The following MYO16 variants were observed in gnomAD, a reference collection of about 807,000 sequenced individuals.
The protein encoded by MYO16 is unconventional myosin-XVI.
In MYO16, 94 loss-of-function variants were observed where a neutral mutation model predicts 205.3. The observed-to-expected ratio is 0.46, with a 90% CI of 0.39 to 0.54. MYO16 has a LOEUF of 0.54. Among genes scored for constraint, MYO16 ranks in the 20% least tolerant of loss-of-function variants. The pLI is 0.00. For synonymous variants in MYO16, 988 were observed against 954.0 expected, an observed-to-expected ratio of 1.04 and a Z score of -0.66; for missense variants, 2,315 against 2,387.5, an observed-to-expected ratio of 0.97 and a Z score of 0.63.
chr13:108,733,192 T>A (rs1884580063), intron 4 of MYO16, among the ~76,000 whole-genome samples: 1 of 152,198 alleles, frequency 6.6e-6, no homozygotes, highest in Non-Finnish European at 1.5e-5. Context: ...ACAGTGCTAC[T>A]TGAATTGAAC....
chr13:108,778,819 C>A (rs1209731595), intron 4 of MYO16, among the ~76,000 whole-genome samples: 1 of 152,158 alleles, frequency 6.6e-6, no homozygotes, highest in Non-Finnish European at 1.5e-5. Context: ...TATGAACTCT[C>A]AATATGAAAA....
chr13:108,774,664 T>C (rs1886071643), intron 4 of MYO16, among the ~76,000 whole-genome samples: 1 of 152,166 alleles, frequency 6.6e-6, no homozygotes, highest in African/African-American at 2.4e-5. Context: ...TGGAATTACT[T>C]CTTTCACTAA....
At chr13:109,181,826 ATTTTT>A (rs950434173) in intron 34 of MYO16, among the ~76,000 whole-genome samples, 8 of 144,626 alleles carry the variant, frequency 5.5e-5, no homozygotes, top group South Asian at 2.2e-4. Context: ...ATTTTATTTT[ATTTTT>A]TTTTTTGAGA....
intron 2 of MYO16, among the ~76,000 whole-genome samples, chr13:108,679,256 T>G (rs941643312): frequency 6.6e-6 from 1 of 152,212 alleles, no homozygotes; most frequent in South Asian, 2.1e-4. Flanking sequence ...GTGAGGCTTG[T>G]ACTACTGACC....
chr13:108,978,751 A>G (rs758673281), intron 20 of MYO16, among the ~76,000 whole-genome samples: 36 of 152,076 alleles, frequency 2.4e-4, no homozygotes, highest in African/African-American at 6.0e-4. Flanking sequence ...TTTCTCTCCA[A>G]AACAGTTTGT....
At chr13:109,107,260 T>A (rs1446012074) in intron 28 of MYO16, among the ~76,000 whole-genome samples, 1 of 152,256 alleles carries the variant, frequency 6.6e-6, no homozygotes, top group Non-Finnish European at 1.5e-5. Flanking sequence ...ATCTTTGTTT[T>A]TATCACAATC....
intron 3 of MYO16, among the ~76,000 whole-genome samples, chr13:108,725,190 C>G (rs578146236): frequency 1.3e-5 from 2 of 152,144 alleles, no homozygotes; most frequent in African/African-American, 2.4e-5. Context: ...GATCCCCTCA[C>G]TTTCTGAACA....
At chr13:108,775,618 A>G (rs1886099492) in intron 4 of MYO16, among the ~76,000 whole-genome samples, 2 of 128,950 alleles carry the variant, frequency 1.6e-5, no homozygotes, top group Admixed American at 1.6e-4. Flanking sequence ...AGATTTTCTG[A>G]GGTTTTCTGA....
At chr13:108,820,238 T>A in intron 7 of MYO16, 99 bp from the exon 8 acceptor site, 1 of 821,660 alleles carries the variant, frequency 1.2e-6, no homozygotes, top group Admixed American at 2.1e-5. Flanking sequence ...TGATACTGTC[T>A]CATGCCGGCT....
chr13:109,145,496 A>ATGG (rs1877288022), intron 32 of MYO16, among the ~76,000 whole-genome samples: 1 of 152,224 alleles, frequency 6.6e-6, no homozygotes, highest in Non-Finnish European at 1.5e-5. Flanking sequence ...TATACTGATG[A>ATGG]TGGGTATGTA....
intron 6 of MYO16, among the ~76,000 whole-genome samples, chr13:108,801,974 AAAT>A (rs1221549282): frequency 6.6e-6 from 1 of 152,176 alleles, no homozygotes; most frequent in Non-Finnish European, 1.5e-5. Context: ...TTAAATTGAC[AAAT>A]AATACTTATA....
intron 34 of MYO16, among the ~76,000 whole-genome samples, chr13:109,197,996 C>G (rs976086008): frequency 1.3e-5 from 2 of 152,170 alleles, no homozygotes; most frequent in Non-Finnish European, 2.9e-5. Context: ...AAGCCCCTAC[C>G]ACTATTTCTA....
chr13:108,897,875 T>G, intron 14 of MYO16, 141 bp from the exon 15 acceptor site: 1 of 690,308 alleles, frequency 1.4e-6, no homozygotes, highest in East Asian at 2.7e-5. Context: ...AAAAGGGGTC[T>G]TAAAAATTCA....
chr13:108,977,016 A>G (rs1884287716), intron 20 of MYO16, among the ~76,000 whole-genome samples: 1 of 152,152 alleles, frequency 6.6e-6, no homozygotes, highest in Non-Finnish European at 1.5e-5. Flanking sequence ...AGAGACAACA[A>G]TATTATCGAA....
At chr13:108,977,023 C>T (rs900187013) in intron 20 of MYO16, among the ~76,000 whole-genome samples, 3 of 152,118 alleles carry the variant, frequency 2.0e-5, no homozygotes, top group Admixed American at 6.6e-5. Context: ...ACAATATTAT[C>T]GAATACATGT....
intron 4 of MYO16, among the ~76,000 whole-genome samples, chr13:108,768,451 A>G (rs906183639): frequency 7.9e-5 from 12 of 152,174 alleles, no homozygotes; most frequent in African/African-American, 2.9e-4. Flanking sequence ...TTGTTGTTTA[A>G]TTAATGAGAC....
At chr13:108,906,287 G>A (rs1422038789) in intron 15 of MYO16, among the ~76,000 whole-genome samples, 1 of 152,146 alleles carries the variant, frequency 6.6e-6, no homozygotes, top group Non-Finnish European at 1.5e-5. Flanking sequence ...TGCCCTGAAG[G>A]TATCCAAGGG....
At chr13:109,166,068 G>A (rs956650870) in intron 33 of MYO16, among the ~76,000 whole-genome samples, 3 of 152,088 alleles carry the variant, frequency 2.0e-5, no homozygotes, top group Non-Finnish European at 2.9e-5. Context: ...GTCCAACACA[G>A]TTAGAAATAA....
chr13:108,631,913 A>AC (rs1879998858), intron 1 of MYO16, among the ~76,000 whole-genome samples: 1 of 152,110 alleles, frequency 6.6e-6, no homozygotes, highest in South Asian at 2.1e-4. Context: ...CCCTGTCTCT[A>AC]CTAAAAATAC....
Sources: allele counts gnomAD v4.1 joint callset (sites outside exome capture counted in the v4.1 genomes callset), GRCh38; gene constraint gnomAD v4.1.1; transcripts MANE v1.5; gene names NCBI Gene and HGNC (gene_info 2026-07-23, HGNC 2026-07-21).